The following TEAD2 variants were observed in gnomAD, a reference collection of about 807,000 sequenced individuals.
TEAD2 encodes the protein TEA domain transcription factor 2.
In TEAD2, 51 loss-of-function variants were observed where a neutral mutation model predicts 61.4. The ratio of observed to expected loss-of-function variants is 0.83; its 90% CI spans 0.66 to 1.05. TEAD2 has a LOEUF of 1.05. Ranked by LOEUF, TEAD2 falls within the 50% of genes least tolerant of loss-of-function variation. The pLI is 0.00. For missense variants in TEAD2, 509 were observed against 600.0 expected (o/e 0.85, Z 1.58); for synonymous variants, 244 against 243.2 (o/e 1.00, Z -0.03).
intron 1 of TEAD2, among the ~76,000 whole-genome samples, chr19:49,360,801 G>GA (rs1037274912): frequency 4.1e-5 from 3 of 74,042 alleles, no homozygotes; most frequent in African/African-American, 1.2e-4. Context: ...GACCAGCAAG[G>GA]GGGGGGGACA....
At position 49,355,021 on chromosome 19, in the gene TEAD2, G is replaced by GCATACATACATACATACATA. The variant is rs113350132; in HGVS notation, c.539+107_539+126dup. On this transcript the variant is annotated intron_variant, in intron 7 of 12. Coordinates refer to ENST00000593945, the MANE Select transcript of TEAD2 (RefSeq NM_001256660.2). ...CATGTCAATAAATACATACATACAT[G>GCATACATACATACATACATA]CATACATACATACATACATACATAC... 107 of 630,612 alleles carry GCATACATACATACATACATA rather than the reference G, an allele frequency of 1.7e-4. 1 individual carries two copies. Among genetic ancestry groups the GCATACATACATACATACATA allele is most frequent in the South Asian group, 1.1e-3 (61 of 53,340 alleles). 39.1% of individuals were successfully genotyped at this position (630,612 alleles called of 1,614,324 possible).
chr19:49,345,581 T>C (rs1971577125), intron 10 of TEAD2, among the ~76,000 whole-genome samples: 1 of 152,078 alleles, frequency 6.6e-6, no homozygotes, highest in Non-Finnish European at 1.5e-5. Flanking sequence ...GTCAAACTCT[T>C]GAACACAAGC....
At chr19:49,351,127 C>T (rs923743302) in intron 8 of TEAD2, among the ~76,000 whole-genome samples, 174 bp downstream of exon 8, 2 of 151,972 alleles carry the variant, frequency 1.3e-5, no homozygotes, top group South Asian at 2.1e-4. Context: ...TGCAGTGAGC[C>T]GAGATCACGC....
chr19:49,346,637 A>T (rs1402031923), intron 10 of TEAD2, among the ~76,000 whole-genome samples: 1 of 152,212 alleles, frequency 6.6e-6, no homozygotes, highest in Non-Finnish European at 1.5e-5. Context: ...AGCCTGGGTG[A>T]CAGTGAGACT....
In TEAD2 at chr19:49,360,052, G is replaced by A. The variant is rs748077905; in HGVS notation, c.24C>T (p.Ala8=). 1.6e-5 allele frequency: 26 copies of A among 1,606,924 alleles called. No homozygotes were observed. The highest frequency in any genetic ancestry group is 1.3e-4 in the African/African-American group (10 of 74,928). ...TCCAGCCGCTGCCATCGTCCAGGGCGGCCCCAGCCCGGGGTTCCCCCATCT... is the reference window on the plus strand; with the variant it reads ...TCCAGCCGCTGCCATCGTCCAGGGCAGCCCCAGCCCGGGGTTCCCCCATCT... MGEPRAG[A]ALDDGSGWTG... is the part of the protein sequence containing the mutation. The change falls in exon 2 of 13, where the codon GCC becomes GCT. Residue 8 remains alanine, a synonymous_variant. Transcript: ENST00000593945.
At chr19:49,349,193 G>A in intron 8 of TEAD2, 1 of 182,886 alleles carries the variant, frequency 5.5e-6, no homozygotes, top group Non-Finnish European at 1.1e-5. Flanking sequence ...GCTGGGCACG[G>A]TGGCTCACAC....
chr19:49,340,992 G>A lies in TEAD2; in HGVS notation c.*332C>T, dbSNP rs1971224114. On this transcript the variant is annotated 3_prime_UTR_variant, in exon 13 of 13. Transcript: ENST00000593945. ...GCAGAGGAGTGGGGGTGGCCTGTCA[G>A]GGGCTGAAAAGAAAAGCCAGTGCTG... is the stretch of plus-strand genomic sequence containing the variant. 2 of 240,472 alleles carry A rather than the reference G, an allele frequency of 8.3e-6. No homozygotes were observed. The highest frequency in any genetic ancestry group is 6.6e-5 in the South Asian group (1 of 15,146). The allele number at this position is 240,472 out of a possible 1,614,324, so 14.9% of individuals were successfully genotyped here. A position where few individuals can be genotyped will look rare whatever the true frequency, so the allele number is the denominator to read the frequency against.
In TEAD2 at chr19:49,341,572, G is replaced by A. The variant is rs1169089277; in HGVS notation, c.1243-135C>T. 1.4e-6 allele frequency: 1 copy of A among 708,012 alleles called. No homozygotes were observed. Among genetic ancestry groups the A allele is most frequent in the East Asian group, 2.7e-5 (1 of 36,556 alleles). The allele number at this position is 708,012 out of a possible 1,614,324, so 43.9% of individuals were successfully genotyped here. Reference sequence around the variant, plus strand: ...AGGAAACAGGCCGCCACCATATCATGTTCCCCAGGAGAAAGGGATGCCCAA... The same window carrying A: ...AGGAAACAGGCCGCCACCATATCATATTCCCCAGGAGAAAGGGATGCCCAA... On this transcript the variant is annotated intron_variant, in intron 12 of 12. Transcript: ENST00000593945. This position sits in a 1 kb window ranked among gnomAD's most constrained non-coding sequence, Gnocchi z 4.2.
chr19:49,355,362 G>C lies in TEAD2; in HGVS notation c.430C>G (p.Leu144Val). 2 of 1,614,220 alleles carry C rather than the reference G, an allele frequency of 1.2e-6. No homozygotes were observed. Among genetic ancestry groups the C allele is most frequent in the Non-Finnish European group, 8.5e-7 (1 of 1,180,050 alleles). The change falls in exon 6 of 13, where the codon CTC becomes GTC. Residue 144 changes from leucine to valine, a missense_variant. Coordinates refer to ENST00000593945, the MANE Select transcript of TEAD2 (RefSeq NM_001256660.2). ...QTMATMSSAQ[L>V]ISAPSLQAKL... ...GCCTGCAGAGAAGGCGCGGAGATGA[G>C]CTGGGCAGAGGACATGGTTGCCATT...
At chr19:49,349,033 G>A in intron 8 of TEAD2, 188 bp from the exon 9 acceptor site, 1 of 593,968 alleles carries the variant, frequency 1.7e-6, no homozygotes, top group Non-Finnish European at 2.6e-6. Context: ...GAAATCTGCT[G>A]GGGGGCTTCT....
At chr19:49,353,528 C>T (rs78868965) in intron 7 of TEAD2, among the ~76,000 whole-genome samples, 2,648 of 152,278 alleles carry the variant, frequency 0.017, 75 homozygotes, top group African/African-American at 0.054. Context: ...ACACATTCTT[C>T]GATTTTCTGT....
rs184428017 is a variant in TEAD2, at chr19:49,347,949, G to A, written c.748-586C>T. Among the ~76,000 whole-genome samples the A allele has an allele frequency of 3.3e-4, 51 of 152,282 alleles. No individual in the cohort carries two copies. In the East Asian group the frequency reaches 7.3e-3, roughly 22 times the overall value. On this transcript the variant is annotated intron_variant, in intron 9 of 12. Coordinates refer to ENST00000593945, the MANE Select transcript of TEAD2 (RefSeq NM_001256660.2). ...AGTGTGAAACTACATTTCCCAGGCCGCTTTGCAGTTAGGTGTGACCACATG... is the reference window on the plus strand; with the variant it reads ...AGTGTGAAACTACATTTCCCAGGCCACTTTGCAGTTAGGTGTGACCACATG...
intron 7 of TEAD2, among the ~76,000 whole-genome samples, chr19:49,353,595 T>C (rs1277390403): frequency 6.6e-6 from 1 of 152,148 alleles, no homozygotes; most frequent in Non-Finnish European, 1.5e-5. Flanking sequence ...AACAGCTCCA[T>C]GAAAGCGGAA....
Position 49,348,781 on chromosome 19 carries a change from C to T in TEAD2, c.669G>A (p.Gln223=). The change falls in exon 9 of 13, where the codon CAG becomes CAA. Residue 223 remains glutamine, a synonymous_variant. Transcript: ENST00000593945. ...ACCGGGCGGTGCCCAGGCCCCGAGC[C>T]TGCCAGGCTGGGGGCGATGGGGTAG... ...PPPTPSPPAW[Q]ARGLGTARLQ... 1 of 1,612,862 alleles carries T rather than the reference C, an allele frequency of 6.2e-7. No homozygotes were observed. Among genetic ancestry groups the T allele is most frequent in the South Asian group, 1.1e-5 (1 of 90,954 alleles).
At chr19:49,345,565 G>A (rs930804344) in intron 10 of TEAD2, among the ~76,000 whole-genome samples, 3 of 152,052 alleles carry the variant, frequency 2.0e-5, no homozygotes, top group African/African-American at 7.2e-5. Flanking sequence ...TGTTGCCCAG[G>A]CTGGTGTCAA....
intron 5 of TEAD2, 24 bp downstream of exon 5, chr19:49,355,934 TG>T: frequency 8.0e-7 from 1 of 1,257,172 alleles, no homozygotes; most frequent in East Asian, 3.1e-5. Context: ...TGAGCGTGGG[TG>T]GGAGGATGGG....
At chr19:49,357,173 T>G (rs1972461352) in intron 4 of TEAD2, 79 bp downstream of exon 4, 1 of 1,390,220 alleles carries the variant, frequency 7.2e-7, no homozygotes, top group African/African-American at 1.5e-5. Context: ...TCCCTGGGTC[T>G]CTGTCCCTCT....
At chr19:49,347,796 T>C (rs254660) in intron 9 of TEAD2, among the ~76,000 whole-genome samples, 36,283 of 152,062 alleles carry the variant, frequency 0.24, 5,207 homozygotes, top group Non-Finnish European at 0.31. Context: ...CAGGTGCTCA[T>C]AAATGGTCAA....
chr19:49,341,179 G>A lies in TEAD2; in HGVS notation c.*145C>T, dbSNP rs975563998. ...CAAGTTTTGGGGGCCCCTCTAATGG[G>A]GGGGATGGCCCCAGTTGCTTAGGCC... On this transcript the variant is annotated 3_prime_UTR_variant, in exon 13 of 13. Coordinates refer to ENST00000593945, the MANE Select transcript of TEAD2 (RefSeq NM_001256660.2). This position sits in a 1 kb window ranked among gnomAD's most constrained non-coding sequence, Gnocchi z 4.2. 9 of 691,842 alleles carry A rather than the reference G, an allele frequency of 1.3e-5. No individual in the cohort carries two copies. The highest frequency in any genetic ancestry group is 9.0e-5 in the African/African-American group (5 of 55,656). The allele number at this position is 691,842 out of a possible 1,614,324, so 42.9% of individuals were successfully genotyped here.
Sources: gnomAD v4.1 joint callset for allele counts (sites outside exome capture counted in the v4.1 genomes callset) on GRCh38, gnomAD v4.1.1 for gene constraint, Gnocchi (gnomAD v3.1) non-coding constraint, MANE v1.5 for transcripts, NCBI Gene and HGNC (gene_info 2026-07-23, HGNC 2026-07-21) for gene names.